The following CNTN3 variants were observed in gnomAD, a reference collection of about 807,000 sequenced individuals.
CNTN3 encodes contactin-3.
Under a neutral mutation model 119.1 loss-of-function variants are expected in CNTN3, and 60 were observed. The ratio of observed to expected loss-of-function variants is 0.50; its 90% confidence interval spans 0.41 to 0.62. The LOEUF (loss-of-function observed/expected upper bound fraction) is 0.62. Ranked by LOEUF, CNTN3 falls within the 20% of genes least tolerant of loss-of-function variation. CNTN3 has a pLI of 0.00. For synonymous variants in CNTN3, 450 were observed against 438.7 expected, an observed-to-expected ratio of 1.03 and a Z score of -0.32; for missense variants, 1,101 against 1,242.4, an observed-to-expected ratio of 0.89 and a Z score of 1.71.
At chr3:74,551,826 C>T (rs1165876850) in intron 1 of CNTN3, among the ~76,000 whole-genome samples, 2 of 131,090 alleles carry the variant, frequency 1.5e-5, no homozygotes, top group African/African-American at 3.0e-5. Context: ...TGCAGTGGCG[C>T]GATCTCGGTG....
Position 74,311,324 on chromosome 3 carries a change from C to A in CNTN3, c.1669-8517G>T, listed in dbSNP as rs1702680374. On this transcript the variant is annotated intron_variant, in intron 13 of 22. Coordinates refer to ENST00000263665, the MANE Select transcript of CNTN3 (RefSeq NM_020872.3). Reference sequence around the variant, plus strand: ...ATTGAAAAAGATAAAGAAGGAAAGACTAGGTTTGATATCAGCTGTAACTAT... The same window carrying A: ...ATTGAAAAAGATAAAGAAGGAAAGAATAGGTTTGATATCAGCTGTAACTAT... Among the ~76,000 whole-genome samples, 3 of 151,986 alleles carry A rather than the reference C, an allele frequency of 2.0e-5. No homozygotes were observed. The South Asian group carries it at 6.2e-4, about 32-fold the overall frequency.
intron 13 of CNTN3, among the ~76,000 whole-genome samples, chr3:74,329,670 T>G (rs1170878251): frequency 6.6e-6 from 1 of 152,190 alleles, no homozygotes; most frequent in Non-Finnish European, 1.5e-5. Flanking sequence ...GTTCTTTGGT[T>G]TCTCTTGAAC....
intron 2 of CNTN3, among the ~76,000 whole-genome samples, chr3:74,500,046 T>A (rs1355514666): frequency 2.6e-5 from 4 of 152,076 alleles, no homozygotes; most frequent in Non-Finnish European, 5.9e-5. Context: ...GCAATTACTT[T>A]TTATTACAAC....
chr3:74,611,492 G>T (rs892819395), intron 1 of CNTN3, among the ~76,000 whole-genome samples: 1 of 152,132 alleles, frequency 6.6e-6, no homozygotes, highest in African/African-American at 2.4e-5. Context: ...GAGTGCAGGG[G>T]AGACTATAAG....
intron 10 of CNTN3, 84 bp from the exon 11 acceptor site, chr3:74,362,124 A>G (rs1575660482): frequency 6.7e-7 from 1 of 1,498,432 alleles, no homozygotes; most frequent in Non-Finnish European, 9.1e-7. Context: ...TTACAGTTTT[A>G]AAAGTTTTCT....
intron 2 of CNTN3, among the ~76,000 whole-genome samples, chr3:74,514,486 G>A (rs1703419378): frequency 6.6e-6 from 1 of 151,978 alleles, no homozygotes; most frequent in African/African-American, 2.4e-5. Flanking sequence ...AAATATCTGG[G>A]CTATACTTTT....
At chr3:74,488,189 G>A (rs183970002) in intron 3 of CNTN3, among the ~76,000 whole-genome samples, 17 of 151,720 alleles carry the variant, frequency 1.1e-4, no homozygotes, top group East Asian at 2.0e-4. Context: ...CTCAGCTCAC[G>A]GCAAGCTCTG....
At chr3:74,525,018 T>A (rs1703598077) in intron 1 of CNTN3, among the ~76,000 whole-genome samples, 1 of 151,720 alleles carries the variant, frequency 6.6e-6, no homozygotes, top group Non-Finnish European at 1.5e-5. Flanking sequence ...GCTAAGGGTA[T>A]TAGTCGCAGA....
At chr3:74,595,979 A>T (rs1362627455) in intron 1 of CNTN3, among the ~76,000 whole-genome samples, 1 of 152,168 alleles carries the variant, frequency 6.6e-6, no homozygotes, top group Admixed American at 6.5e-5. Context: ...GATGATAAGC[A>T]ACTTCAGCAA....
chr3:74,528,937 T>C (rs971165961), intron 1 of CNTN3, among the ~76,000 whole-genome samples: 4 of 151,782 alleles, frequency 2.6e-5, no homozygotes, highest in African/African-American at 9.7e-5. Flanking sequence ...TGGGATGAAA[T>C]GAAAATACTT....
chr3:74,489,320 A>T (rs1262630946), intron 3 of CNTN3, among the ~76,000 whole-genome samples: 1 of 152,124 alleles, frequency 6.6e-6, no homozygotes, highest in Non-Finnish European at 1.5e-5. Flanking sequence ...CCTACAGTAG[A>T]CACAAGCAGA....
intron 1 of CNTN3, among the ~76,000 whole-genome samples, chr3:74,608,539 C>T (rs1043883258): frequency 6.6e-6 from 1 of 152,122 alleles, no homozygotes; most frequent in South Asian, 2.1e-4. Context: ...GCTTATGCTT[C>T]CTTTAGAGCA....
intron 5 of CNTN3, among the ~76,000 whole-genome samples, chr3:74,413,551 TA>T (rs1414614433): frequency 6.6e-6 from 1 of 152,194 alleles, no homozygotes; most frequent in Non-Finnish European, 1.5e-5. Context: ...TTCTATATTT[TA>T]AAAAATGCAA....
intron 1 of CNTN3, among the ~76,000 whole-genome samples, chr3:74,553,068 T>A (rs1433748142): frequency 1.3e-5 from 2 of 152,128 alleles, no homozygotes; most frequent in African/African-American, 4.8e-5. Context: ...GTATTTCTCC[T>A]GATGTTATCC....
At position 74,486,583 on chromosome 3, in the gene CNTN3, A is replaced by G; in HGVS notation, c.231T>C (p.Tyr77=). 6.2e-7 allele frequency: 1 copy of G among 1,608,818 alleles called. No individual in the cohort carries two copies. The highest frequency in any genetic ancestry group is 8.5e-7 in the Non-Finnish European group (1 of 1,178,850). ...CCACAAGATTTCCTCCATTCAACTTATAACGATGTTCCATACTCATATCAA... is the reference window on the plus strand; with the variant it reads ...CCACAAGATTTCCTCCATTCAACTTGTAACGATGTTCCATACTCATATCAA... ...SDIDMSMEHR[Y]KLNGGNLVVI... is the part of the protein sequence containing the mutation. Residue 77 remains tyrosine (Y), a synonymous_variant, in exon 4 of 23, where the codon TAT becomes TAC. Coordinates refer to ENST00000263665, the MANE Select transcript of CNTN3 (RefSeq NM_020872.3).
chr3:74,448,585 G>GCCTACACA (rs1702090250), intron 4 of CNTN3, among the ~76,000 whole-genome samples: 1 of 152,068 alleles, frequency 6.6e-6, no homozygotes, highest in Non-Finnish European at 1.5e-5. Context: ...TATTTAGCTT[G>GCCTACACA]CCTACACACA....
chr3:74,276,428 A>G (rs1022147797), intron 20 of CNTN3, among the ~76,000 whole-genome samples: 4 of 152,322 alleles, frequency 2.6e-5, no homozygotes, highest in Non-Finnish European at 5.9e-5. Context: ...AATTGAAATT[A>G]TATCAAGCAC....
At chr3:74,342,571 C>A (rs1703573563) in intron 11 of CNTN3, among the ~76,000 whole-genome samples, 1 of 152,156 alleles carries the variant, frequency 6.6e-6, no homozygotes, top group Non-Finnish European at 1.5e-5. Flanking sequence ...TGGCTCTACT[C>A]TATAACCTAG....
At chr3:74,544,314 A>G (rs532433068) in intron 1 of CNTN3, among the ~76,000 whole-genome samples, 3 of 152,346 alleles carry the variant, frequency 2.0e-5, no homozygotes, top group African/African-American at 7.2e-5. Flanking sequence ...TTTGAAGTTG[A>G]AAAGAGCCTT....
Sources: gnomAD v4.1 joint callset for allele counts (sites outside exome capture counted in the v4.1 genomes callset) on GRCh38, gnomAD v4.1.1 for gene constraint, MANE v1.5 for transcripts, NCBI Gene and HGNC (gene_info 2026-07-23, HGNC 2026-07-21) for gene names.